PLEKHA5: variants seen among roughly 807,000 people sequenced by gnomAD.
The protein encoded by PLEKHA5 is pleckstrin homology domain containing A5.
A neutral mutation model predicts 181.9 loss-of-function variants in PLEKHA5; 55 were observed. The observed-to-expected ratio is 0.30, with a 90% CI of 0.24 to 0.38. PLEKHA5 has a LOEUF of 0.38. Among genes scored for constraint, PLEKHA5 ranks in the 10% least tolerant of loss-of-function variants. PLEKHA5 has a pLI of 1.00. For synonymous variants in PLEKHA5, 535 were observed against 529.4 expected (o/e 1.01, Z -0.15); for missense variants, 1,432 against 1,549.5 (o/e 0.92, Z 1.27).
chr12:19,330,085 C>A (rs140516967), intron 20 of PLEKHA5, among the ~76,000 whole-genome samples: 2 of 152,124 alleles, frequency 1.3e-5, no homozygotes, highest in Non-Finnish European at 2.9e-5. Context: ...ACAAAAAAGC[C>A]AACAGAAGTG....
chr12:19,301,724 A>T (rs1031820577), intron 15 of PLEKHA5, among the ~76,000 whole-genome samples: 1 of 152,232 alleles, frequency 6.6e-6, no homozygotes, highest in African/African-American at 2.4e-5. Context: ...TTTTACTTAC[A>T]GGAAAAAACG....
At chr12:19,308,895 A>ACGCGCGTGCGCGCGCGCG (rs371125200) in intron 15 of PLEKHA5, among the ~76,000 whole-genome samples, 1 of 151,416 alleles carries the variant, frequency 6.6e-6, no homozygotes, top group South Asian at 2.1e-4. Flanking sequence ...TAAAACACAA[A>ACGCGCGTGCGCGCGCGCG]CGCACACACA....
Position 19,320,084 on chromosome 12 carries a change from G to A in PLEKHA5, c.2154+28G>A, listed in dbSNP as rs1399639859. The A allele has an allele frequency of 1.0e-5, 8 of 797,770 alleles. No homozygotes were observed. In the African/African-American group the frequency reaches 1.3e-4, roughly 12 times the overall value. The allele number at this position is 797,770 out of a possible 1,614,324, so 49.4% of individuals were successfully genotyped here. A position where few individuals can be genotyped will look rare whatever the true frequency, so the allele number is the denominator to read the frequency against. ...ATGTGTGTTTATATATTATATATAT[G>A]TATACAATATGTTATAGGTTTTGTT... On this transcript the variant is annotated intron_variant, in intron 17 of 31. Transcript: ENST00000429027.
chr12:19,211,499 G>A (rs868747565), intron 3 of PLEKHA5, among the ~76,000 whole-genome samples: 2 of 151,946 alleles, frequency 1.3e-5, no homozygotes, highest in Admixed American at 6.6e-5. Context: ...TGGAAGAGGC[G>A]ACCATGAACT....
At chr12:19,348,597 A>G in intron 25 of PLEKHA5, 78 bp downstream of exon 25, 1 of 1,143,182 alleles carries the variant, frequency 8.7e-7, no homozygotes, top group African/African-American at 1.6e-5. Context: ...AGTAAATTCC[A>G]TTTACATGTT....
intron 3 of PLEKHA5, among the ~76,000 whole-genome samples, chr12:19,158,814 C>G (rs1043772578): frequency 9.9e-5 from 15 of 152,120 alleles, no homozygotes; most frequent in African/African-American, 2.4e-5. Flanking sequence ...TTATTAGTGA[C>G]TTAATTTTCT....
At chr12:19,307,921 A>T (rs1402297593) in intron 15 of PLEKHA5, among the ~76,000 whole-genome samples, 3 of 152,070 alleles carry the variant, frequency 2.0e-5, no homozygotes, top group African/African-American at 7.3e-5. Flanking sequence ...TCCCCTGGGA[A>T]ACATAAAAAG....
intron 21 of PLEKHA5, among the ~76,000 whole-genome samples, chr12:19,338,856 C>G (rs2093657829): frequency 6.7e-6 from 1 of 150,330 alleles, no homozygotes; most frequent in Non-Finnish European, 1.5e-5. Flanking sequence ...TGCACTCCAG[C>G]CTGAGTGATG....
At chr12:19,163,414 T>G (rs1213872140) in intron 3 of PLEKHA5, among the ~76,000 whole-genome samples, 1 of 152,118 alleles carries the variant, frequency 6.6e-6, no homozygotes, top group Non-Finnish European at 1.5e-5. Context: ...CCTGACCTCG[T>G]GATCCGCCCA....
intron 2 of PLEKHA5, 38 bp from the exon 3 acceptor site, chr12:19,132,355 T>C: frequency 2.1e-6 from 2 of 963,888 alleles, no homozygotes; most frequent in Non-Finnish European, 3.3e-6. Flanking sequence ...TTTGCTATCA[T>C]TGAAGTAATA....
chr12:19,221,406 A>C (rs971320264), intron 3 of PLEKHA5, among the ~76,000 whole-genome samples: 2 of 152,206 alleles, frequency 1.3e-5, no homozygotes, highest in Non-Finnish European at 2.9e-5. Flanking sequence ...AAGTCTACTT[A>C]CTGTATTATT....
chr12:19,335,582 A>ATTTTTTTT (rs34158055), intron 20 of PLEKHA5, among the ~76,000 whole-genome samples: 7 of 107,980 alleles, frequency 6.5e-5, no homozygotes, highest in Admixed American at 1.0e-4. Flanking sequence ...CGCCTGGCTA[A>ATTTTTTTT]TTTTTTTTTT....
chr12:19,204,835 T>C (rs1450047813), intron 3 of PLEKHA5, among the ~76,000 whole-genome samples: 2 of 152,146 alleles, frequency 1.3e-5, no homozygotes, highest in Non-Finnish European at 2.9e-5. Context: ...CTGCATAGTT[T>C]TCAGATTGTT....
chr12:19,191,523 A>G (rs2051114681), intron 3 of PLEKHA5, among the ~76,000 whole-genome samples: 1 of 152,196 alleles, frequency 6.6e-6, no homozygotes, highest in Admixed American at 6.5e-5. Flanking sequence ...TTGTTTTTCA[A>G]CTGCTGCTGC....
intron 15 of PLEKHA5, among the ~76,000 whole-genome samples, chr12:19,311,145 G>A (rs1004300885): frequency 2.6e-5 from 4 of 151,896 alleles, no homozygotes; most frequent in African/African-American, 4.8e-5. Context: ...TTTCAGAATT[G>A]GAGTGGGGTC....
intron 3 of PLEKHA5, among the ~76,000 whole-genome samples, chr12:19,169,719 C>A (rs1449608170): frequency 6.6e-6 from 1 of 152,160 alleles, no homozygotes; most frequent in African/African-American, 2.4e-5. Context: ...CCTTCTTTAT[C>A]CTGCAAACCA....
At chr12:19,243,479 T>C (rs1054553524) in intron 3 of PLEKHA5, 8 of 152,230 alleles carry the variant, frequency 5.3e-5, no homozygotes, top group African/African-American at 1.9e-4. Context: ...GTAGCTGTTA[T>C]GGTGGTGATC....
At chr12:19,354,086 T>C (rs1331654547) in intron 26 of PLEKHA5, 84 bp downstream of exon 26, 1 of 461,286 alleles carries the variant, frequency 2.2e-6, no homozygotes, top group East Asian at 4.1e-5. Flanking sequence ...CAGTGTCTTA[T>C]CAAAATTATT....
chr12:19,362,828 G>A (rs984267209), intron 29 of PLEKHA5, among the ~76,000 whole-genome samples: 7 of 151,952 alleles, frequency 4.6e-5, no homozygotes, highest in Non-Finnish European at 7.4e-5. Context: ...AGCTGTAGCA[G>A]AGTAAGCAAT....
Sources: gnomAD v4.1 joint callset for allele counts (sites outside exome capture counted in the v4.1 genomes callset) on GRCh38, gnomAD v4.1.1 for gene constraint, MANE v1.5 for transcripts, NCBI Gene and HGNC (gene_info 2026-07-23, HGNC 2026-07-21) for gene names.